Variants in PVT1 observed in about 807,000 individuals in gnomAD.
PVT1 encodes the protein CXCR4/PVT1 fusion.
chr8:127,962,245 G>A (rs1446664295), intron 3 of PVT1, among the ~76,000 whole-genome samples: 3 of 152,132 alleles, frequency 2.0e-5, no homozygotes, highest in South Asian at 2.1e-4. Context: ...GATTACAGGC[G>A]TGAGCCACCG....
intron 2 of PVT1, among the ~76,000 whole-genome samples, chr8:127,805,081 CCA>C (rs958762026): frequency 1.3e-5 from 2 of 151,772 alleles, no homozygotes; most frequent in African/African-American, 4.8e-5. Flanking sequence ...CAGGCGCTCA[CCA>C]CCACGCCCGG....
chr8:127,805,005 ACTGCAACCTC>A (rs1279522674), intron 2 of PVT1, among the ~76,000 whole-genome samples: 1 of 140,764 alleles, frequency 7.1e-6, no homozygotes, highest in Non-Finnish European at 1.5e-5. Flanking sequence ...ATCTCGGCTC[ACTGCAACCTC>A]TGCCTCCCGG....
chr8:127,829,340 A>G (rs113231286), intron 2 of PVT1, among the ~76,000 whole-genome samples: 44 of 152,210 alleles, frequency 2.9e-4, no homozygotes, highest in African/African-American at 1.1e-3. Flanking sequence ...ACATGTGTAT[A>G]TATGAGATGG....
intron 2 of PVT1, among the ~76,000 whole-genome samples, chr8:127,880,692 C>G (rs768004373): frequency 6.7e-6 from 1 of 149,998 alleles, no homozygotes; most frequent in African/African-American, 2.5e-5. Context: ...CTTCCGCCTG[C>G]TGGGTTCAAG....
intron 2 of PVT1, among the ~76,000 whole-genome samples, chr8:127,843,227 A>G (rs1305974772): frequency 6.6e-6 from 1 of 152,082 alleles, no homozygotes; most frequent in Non-Finnish European, 1.5e-5. Flanking sequence ...GTGATGGTGC[A>G]TGCCTGTAAT....
chr8:127,891,171 C>A (rs191981851), intron 3 of PVT1, among the ~76,000 whole-genome samples: 266 of 152,254 alleles, frequency 1.7e-3, no homozygotes, highest in African/African-American at 6.0e-3. Flanking sequence ...CCTGCCCTGA[C>A]GTGTGTTATT....
chr8:127,822,634 A>G (rs186119910), intron 2 of PVT1, among the ~76,000 whole-genome samples: 136 of 152,324 alleles, frequency 8.9e-4, no homozygotes, highest in Non-Finnish European at 1.6e-3. Flanking sequence ...GGGTAAGTCC[A>G]TCGGGACAAA....
In PVT1 at chr8:127,862,270, T is replaced by C. The variant is rs149853812; in HGVS notation, n.373-28319T>C. 5.2e-3 allele frequency among the ~76,000 whole-genome samples: 785 copies of C among 152,084 alleles called. 11 individuals carry two copies. Among genetic ancestry groups the C allele is most frequent in the African/African-American group, 0.018 (731 of 41,488 alleles). ...TAAATATACAAAGATTAGCCAGGCG[T>C]GGTGGCAGGTGCCTATAATCCCAGC... On this transcript the variant is annotated intron_variant and non_coding_transcript_variant, in intron 2 of 10. Coordinates refer to ENST00000651587, the Ensembl canonical transcript of PVT1.
At chr8:127,806,874 G>T (rs1022712348) in intron 2 of PVT1, among the ~76,000 whole-genome samples, 3 of 152,288 alleles carry the variant, frequency 2.0e-5, no homozygotes, top group East Asian at 1.9e-4. Context: ...TGCATCAGGG[G>T]TTTGGTAGTT....
At chr8:127,843,848 C>T (rs1815000517) in intron 2 of PVT1, among the ~76,000 whole-genome samples, 1 of 151,966 alleles carries the variant, frequency 6.6e-6, no homozygotes, top group African/African-American at 2.4e-5. Context: ...TTGAGAGAAG[C>T]ACCTTTCTTT....
chr8:128,034,478 G>T (rs145049997), intron 4 of PVT1, among the ~76,000 whole-genome samples: 2 of 152,310 alleles, frequency 1.3e-5, no homozygotes, highest in Non-Finnish European at 1.5e-5. Flanking sequence ...TTACTGTGCT[G>T]TTCTAGCTCA....
At chr8:128,072,693 G>A (rs1212705758) in intron 5 of PVT1, among the ~76,000 whole-genome samples, 2 of 152,138 alleles carry the variant, frequency 1.3e-5, no homozygotes, top group African/African-American at 2.4e-5. Flanking sequence ...GGCAGGCACC[G>A]CTGGTGTTTT....
intron 2 of PVT1, among the ~76,000 whole-genome samples, chr8:127,879,968 C>T (rs144441204): frequency 1.3e-3 from 202 of 152,344 alleles, no homozygotes; most frequent in African/African-American, 4.8e-3. Flanking sequence ...CTTCTCAGCT[C>T]TTCAGTGAGG....
At chr8:127,896,778 C>T (rs865901752) in intron 3 of PVT1, among the ~76,000 whole-genome samples, 2 of 130,668 alleles carry the variant, frequency 1.5e-5, no homozygotes, top group Non-Finnish European at 3.2e-5. Flanking sequence ...CTTTCCTCCC[C>T]CCCCCCGCCC....
intron 2 of PVT1, among the ~76,000 whole-genome samples, chr8:127,874,424 A>C (rs1163154322): frequency 2.0e-5 from 3 of 152,224 alleles, no homozygotes; most frequent in Admixed American, 2.0e-4. Context: ...CACATCCACC[A>C]TGTCCAGAGA....
rs192721385 is a variant in PVT1, at chr8:127,992,901, G to A, written n.912+3610G>A. On this transcript the variant is annotated intron_variant and non_coding_transcript_variant, in intron 4 of 10. Coordinates refer to ENST00000651587, the Ensembl canonical transcript of PVT1. The stretch of plus-strand genomic sequence containing the variant: ...CGCATCAGCAGGCTCCTGCTTCCCT[G>A]TCAAGGGATACAAGCCAGCACCGGT... 7.0e-4 allele frequency among the ~76,000 whole-genome samples: 106 copies of A among 152,320 alleles called. No individual in the cohort carries two copies. In the Middle Eastern group the frequency reaches 0.02, roughly 29 times the overall value.
intron 5 of PVT1, among the ~76,000 whole-genome samples, chr8:128,088,355 G>A (rs143114896): frequency 3.0e-4 from 45 of 152,280 alleles, no homozygotes; most frequent in African/African-American, 1.1e-3. Flanking sequence ...CACACTCAGG[G>A]CTTCAGCAAT....
chr8:128,027,712 T>G (rs1813329099), intron 4 of PVT1, among the ~76,000 whole-genome samples: 2 of 152,356 alleles, frequency 1.3e-5, no homozygotes, highest in African/African-American at 4.8e-5. Context: ...CCTGGTGTTC[T>G]GGCCCCCAGC....
chr8:128,027,489 C>G (rs1356493719), intron 4 of PVT1, among the ~76,000 whole-genome samples: 1 of 152,230 alleles, frequency 6.6e-6, no homozygotes, highest in Admixed American at 6.5e-5. Flanking sequence ...CCAACACTTA[C>G]TGAGCATATA....
Sources: gnomAD v4.1 joint callset for allele counts (sites outside exome capture counted in the v4.1 genomes callset) on GRCh38, gnomAD v4.1.1 for gene constraint, MANE v1.5 for transcripts, NCBI Gene and HGNC (gene_info 2026-07-23, HGNC 2026-07-21) for gene names.